Variants in DNM3 observed in about 807,000 individuals in gnomAD.
DNM3 encodes the protein dynamin-3.
In DNM3, 47 loss-of-function variants were observed where a neutral mutation model predicts 101.6. The ratio of observed to expected loss-of-function variants is 0.46; its 90% CI spans 0.37 to 0.59. The LOEUF (loss-of-function observed/expected upper bound fraction) is 0.59, where lower values mean the gene tolerates loss of function less well. Among genes scored for constraint, DNM3 ranks in the 20% least tolerant of loss-of-function variants. The probability of loss-of-function intolerance (pLI) is 0.00; values close to 1 mark genes in which losing one functional copy is unlikely to be tolerated. For missense variants in DNM3, 849 were observed against 1,085.7 expected (o/e 0.78, Z 3.06); for synonymous variants, 385 against 387.9 (o/e 0.99, Z 0.09).
In DNM3 at chr1:172,387,118, G is replaced by A. The variant is rs1322727077; in HGVS notation, c.2059-15G>A. 1.0e-5 allele frequency: 16 copies of A among 1,599,038 alleles called. No individual in the cohort carries two copies. The highest frequency in any genetic ancestry group is 1.3e-5 in the Non-Finnish European group (15 of 1,166,586). ...CATTTATTCCCATTTTTATTTCTCT[G>A]TGGTGATCTGACAGGTTAAAGATTT... is the stretch of plus-strand genomic sequence containing the variant. On this transcript the variant is annotated splice_polypyrimidine_tract_variant and intron_variant, in intron 18 of 20. Transcript: ENST00000627582.
rs1286569307 is a variant in DNM3 at position 172,408,518 on chromosome 1, CT to C, written c.*684del. 27 of 985,132 alleles carry C rather than the reference CT, an allele frequency of 2.7e-5. No homozygotes were observed. The highest frequency in any genetic ancestry group is 3.3e-5 in the Non-Finnish European group (27 of 829,848). 61.0% of individuals were successfully genotyped at this position (985,132 alleles called of 1,614,324 possible). ...CATATGCAACAGTGAATAAAAGCTT[CT>C]TTTTTTGTTAATCAGTCAATAAATT... On this transcript the variant is annotated 3_prime_UTR_variant, in exon 21 of 21. Coordinates refer to ENST00000627582, the MANE Select transcript of DNM3 (RefSeq NM_015569.5).
At chr1:171,841,890 G>A in intron 1 of DNM3, 73 bp downstream of exon 1, 1 of 1,512,608 alleles carries the variant, frequency 6.6e-7, no homozygotes, top group Non-Finnish European at 8.8e-7. Context: ...AACGTGGACG[G>A]GCAGCGGGAG....
chr1:172,380,468 A>G (rs1030174418), intron 18 of DNM3, among the ~76,000 whole-genome samples: 2 of 152,138 alleles, frequency 1.3e-5, no homozygotes, highest in African/African-American at 2.4e-5. Flanking sequence ...TCATACACGT[A>G]TGTATTCAAA....
intron 17 of DNM3, among the ~76,000 whole-genome samples, chr1:172,354,112 T>TGAGAAAGAGAGA (rs1553242889): frequency 1.1e-5 from 1 of 94,940 alleles, no homozygotes; most frequent in Non-Finnish European, 1.9e-5. Context: ...TGTGTGTGTG[T>TGAGAAAGAGAGA]GAGAGAGAGA....
chr1:172,046,192 T>G (rs2049781625), intron 9 of DNM3, among the ~76,000 whole-genome samples: 1 of 152,122 alleles, frequency 6.6e-6, no homozygotes, highest in South Asian at 2.1e-4. Flanking sequence ...TAAGAAAATG[T>G]GGCACATATA....
intron 14 of DNM3, among the ~76,000 whole-genome samples, chr1:172,149,368 C>G (rs965474468): frequency 6.6e-6 from 1 of 152,132 alleles, no homozygotes; most frequent in Non-Finnish European, 1.5e-5. Context: ...CTTAAAAACT[C>G]TAGCTCTATT....
At chr1:171,962,401 A>G (rs1456165040) in intron 2 of DNM3, among the ~76,000 whole-genome samples, 1 of 152,168 alleles carries the variant, frequency 6.6e-6, no homozygotes, top group East Asian at 1.9e-4. Flanking sequence ...AAGGCAGAAG[A>G]GAGAATTATT....
intron 17 of DNM3, among the ~76,000 whole-genome samples, chr1:172,342,844 TC>T (rs964522458): frequency 2.6e-5 from 4 of 152,244 alleles, no homozygotes; most frequent in Admixed American, 2.6e-4. Flanking sequence ...CTGATATGAG[TC>T]AGTTTCTTTG....
intron 1 of DNM3, among the ~76,000 whole-genome samples, chr1:171,884,043 G>A (rs746179292): frequency 3.9e-5 from 6 of 152,178 alleles, no homozygotes; most frequent in East Asian, 3.9e-4. Flanking sequence ...GCTGAGTGCC[G>A]CTGAGTTAAA....
intron 4 of DNM3, among the ~76,000 whole-genome samples, chr1:172,008,402 A>C (rs1400521740): frequency 2.0e-5 from 3 of 151,562 alleles, no homozygotes; most frequent in Non-Finnish European, 4.4e-5. Context: ...TCAGAGTCTA[A>C]TTTCATACTT....
intron 13 of DNM3, 62 bp downstream of exon 13, chr1:172,092,937 G>GATTGACT: frequency 7.0e-7 from 1 of 1,420,420 alleles, no homozygotes; most frequent in Non-Finnish European, 9.5e-7. Context: ...TAAATCGCTT[G>GATTGACT]ATTGACTATT....
chr1:171,860,164 AT>A lies in DNM3; in HGVS notation c.161+18348del, dbSNP rs1169645680. 2.0e-5 allele frequency among the ~76,000 whole-genome samples: 3 copies of A among 152,292 alleles called. 1 individual carries two copies. The highest frequency in any genetic ancestry group is 7.2e-5 in the African/African-American group (3 of 41,580). On this transcript the variant is annotated intron_variant, in intron 1 of 20. Coordinates refer to ENST00000627582, the MANE Select transcript of DNM3 (RefSeq NM_015569.5). ...TTTTCAAGACAATAGTCACTACCCC[AT>A]GTAGCTATTATAACTAATGCTACTG...
At chr1:172,243,088 T>C (rs2061810030) in intron 14 of DNM3, among the ~76,000 whole-genome samples, 1 of 152,120 alleles carries the variant, frequency 6.6e-6, no homozygotes, top group Non-Finnish European at 1.5e-5. Context: ...TACATATATA[T>C]GATCGATCTG....
At chr1:172,322,261 G>A (rs1004421103) in intron 16 of DNM3, among the ~76,000 whole-genome samples, 2 of 152,108 alleles carry the variant, frequency 1.3e-5, no homozygotes, top group East Asian at 1.9e-4. Context: ...CTGTGACTCC[G>A]CCCTGTTCTA....
At chr1:172,037,627 T>G (rs2049065545) in intron 6 of DNM3, among the ~76,000 whole-genome samples, 1 of 152,144 alleles carries the variant, frequency 6.6e-6, no homozygotes, top group Non-Finnish European at 1.5e-5. Context: ...TCTTAATTAA[T>G]CATGCACTCT....
At chr1:171,970,752 A>T (rs1434681318) in intron 2 of DNM3, among the ~76,000 whole-genome samples, 4 of 117,908 alleles carry the variant, frequency 3.4e-5, no homozygotes, top group Non-Finnish European at 8.2e-5. Context: ...TATACAACTA[A>T]CATTCCTTCT....
intron 1 of DNM3, among the ~76,000 whole-genome samples, chr1:171,845,179 C>T (rs887335935): frequency 8.5e-5 from 13 of 152,210 alleles, no homozygotes; most frequent in African/African-American, 3.1e-4. Context: ...ATTGCATCCT[C>T]CATGTTGAGG....
At chr1:171,855,604 T>A (rs561242258) in intron 1 of DNM3, among the ~76,000 whole-genome samples, 1 of 152,240 alleles carries the variant, frequency 6.6e-6, no homozygotes, top group African/African-American at 2.4e-5. Flanking sequence ...TCATTGTGGT[T>A]TTGATTTGCA....
chr1:171,908,926 C>T (rs2039055043), intron 1 of DNM3, among the ~76,000 whole-genome samples: 1 of 152,122 alleles, frequency 6.6e-6, no homozygotes, highest in South Asian at 2.1e-4. Flanking sequence ...ACTTCCCTTC[C>T]TTCCATCTTT....
Sources: gnomAD v4.1 joint callset for allele counts (sites outside exome capture counted in the v4.1 genomes callset) on GRCh38, gnomAD v4.1.1 for gene constraint, MANE v1.5 for transcripts, NCBI Gene and HGNC (gene_info 2026-07-23, HGNC 2026-07-21) for gene names.